The following NOTCH3 variants were observed in gnomAD, a reference collection of about 807,000 sequenced individuals.
NOTCH3 encodes notch receptor 3, also known as neurogenic locus notch homolog protein 3.
NOTCH3 carries 86 observed loss-of-function variants against 213.3 expected under a neutral mutation model. The observed-to-expected ratio is 0.40, with a 90% CI of 0.34 to 0.48. NOTCH3 has a LOEUF of 0.48. Among genes scored for constraint, NOTCH3 ranks in the 20% least tolerant of loss-of-function variants. The pLI is 0.57. For missense variants in NOTCH3, 2,783 were observed against 3,272.6 expected (o/e 0.85, Z 3.65); for synonymous variants, 1,354 against 1,355.9 (o/e 1.00, Z 0.03).
chr19:15,178,600 G>T, intron 23 of NOTCH3: 1 of 598,786 alleles, frequency 1.7e-6, no homozygotes. Flanking sequence ...GCCCAGGCTG[G>T]TCTCTAACTC....
chr19:15,177,944 C>T lies in NOTCH3; in HGVS notation c.3984G>A (p.Pro1328=). Reference sequence around the variant, plus strand: ...CGTTGCTGGCCCCCGGCGGCGACCCCGGGAAGCTGCGGCAGGAGGGTCCCG... The same window carrying T: ...CGTTGCTGGCCCCCGGCGGCGACCCTGGGAAGCTGCGGCAGGAGGGTCCCG... ...GLSGPSCRSF[P]GSPPGASNAS... The change falls in exon 24 of 33, where the codon CCG becomes CCA. Residue 1328 remains proline (P), a synonymous_variant. Transcript: ENST00000263388. 1 of 1,307,892 alleles carries T rather than the reference C, an allele frequency of 7.6e-7. No individual in the cohort carries two copies. The highest frequency in any genetic ancestry group is 9.7e-7 in the Non-Finnish European group (1 of 1,031,770). 81.0% of individuals were successfully genotyped at this position (1,307,892 alleles called of 1,614,324 possible).
Position 15,177,549 on chromosome 19 carries a change from G to C in NOTCH3, c.4379C>G (p.Ala1460Gly). The change falls in exon 24 of 33, where the codon GCC (alanine) becomes GGC (glycine). Residue 1460 changes from alanine (A) to glycine (G), a missense_variant. By Grantham distance (60) the Ala-to-Gly change is moderately conservative. This residue lies in a region of NOTCH3 where 636 missense variants were observed against 801.8 expected (regional missense o/e 0.79). Transcript: ENST00000263388. ...ACLYDNFDCH[A>G]GGRERTCNPV... ...CTTGCAAGTGCGCTCGCGGCCACCG[G>C]CGTGGCAGTCGAAGTTGTCGTAGAG... 2 of 1,610,476 alleles carry C rather than the reference G, an allele frequency of 1.2e-6. No homozygotes were observed. The highest frequency in any genetic ancestry group is 1.7e-5 in the Admixed American group (1 of 59,800).
chr19:15,178,044 T>TC lies in NOTCH3; in HGVS notation c.3883dup (p.Glu1295GlyfsTer268). 1 of 1,517,496 alleles carries TC rather than the reference T, an allele frequency of 6.6e-7. No individual in the cohort carries two copies. Among genetic ancestry groups the TC allele is most frequent in the South Asian group, 1.2e-5 (1 of 83,102 alleles). 94.0% of individuals were successfully genotyped at this position (1,517,496 alleles called of 1,614,324 possible). A position where few individuals can be genotyped will look rare whatever the true frequency, so the allele number is the denominator to read the frequency against. On this transcript the variant is annotated frameshift_variant, in exon 24 of 33. Transcript: ENST00000263388. LOFTEE classifies it high-confidence loss of function. Reference sequence around the variant, plus strand: ...TGGGACGCCCACCGGGCACTGCAGCTCCCGGCAGGAGCGCGCCACCCGCTC... The same window carrying TC: ...TGGGACGCCCACCGGGCACTGCAGCTCCCCGGCAGGAGCGCGCCACCCGCTC...
At position 15,167,430 on chromosome 19, in the gene NOTCH3, T is replaced by A. The variant is rs777512147; in HGVS notation, c.5200-19A>T. The A allele has an allele frequency of 5.6e-6, 9 of 1,600,410 alleles. No homozygotes were observed. Among genetic ancestry groups the A allele is most frequent in the Non-Finnish European group, 7.6e-6 (9 of 1,179,752 alleles). ...CCTCTACCTGGAGGGGCAGGCACCC[T>A]GGATCTCAGATCTCACCCTTTGGTG... is the stretch of plus-strand genomic sequence containing the variant. On this transcript the variant is annotated intron_variant, in intron 28 of 32. Transcript: ENST00000263388.
Position 15,181,460 on chromosome 19 carries a change from C to T in NOTCH3, c.2792+116G>A, listed in dbSNP as rs11669950. The T allele has an allele frequency of 0.66, 561,349 of 844,342 alleles. 192,663 individuals are homozygous for T. Among genetic ancestry groups the T allele is most frequent in the Non-Finnish European group, 0.72 (379,575 of 530,096 alleles). 52.3% of individuals were successfully genotyped at this position (844,342 alleles called of 1,614,324 possible). ...CCCTGCCCCATCAGTCATCAGAGTC[C>T]GCAGTGGGTACCAAGCTGAGGACTC... On this transcript the variant is annotated intron_variant, in intron 17 of 32. Transcript: ENST00000263388.
chr19:15,195,796 C>T (rs2046965234), intron 2 of NOTCH3, among the ~76,000 whole-genome samples: 1 of 151,520 alleles, frequency 6.6e-6, no homozygotes, highest in South Asian at 2.1e-4. Flanking sequence ...GCGCGGGCCC[C>T]CTCCCGACGC....
At chr19:15,170,304 G>A (rs1386097270) in intron 27 of NOTCH3, 27 bp downstream of exon 27, 2 of 1,601,606 alleles carry the variant, frequency 1.2e-6, no homozygotes, top group Non-Finnish European at 1.7e-6. Context: ...CCCGTAGTCA[G>A]GGACAGGGAG....
At chr19:15,197,128 C>A (rs149421665) in intron 2 of NOTCH3, among the ~76,000 whole-genome samples, 2 of 152,072 alleles carry the variant, frequency 1.3e-5, no homozygotes, top group African/African-American at 4.8e-5. Context: ...TGAGCCACTG[C>A]GATTGGTCCC....
At position 15,177,763 on chromosome 19, in the gene NOTCH3, GCGGGCACCGCGGCTCCTCCGAGACCT is replaced by G; in HGVS notation, c.4139_4164del (p.Glu1380AlafsTer174). On this transcript the variant is annotated frameshift_variant, in exon 24 of 33. Transcript: ENST00000263388. LOFTEE classifies it high-confidence loss of function. Reference sequence around the variant, plus strand: ...CCGCGCTTGGCCTGGCAGGCGGCGCGCGGGCACCGCGGCTCCTCCGAGACCTCGGGTGCCGCGGCGGGCGCCTCGCA... The same window carrying G: ...CCGCGCTTGGCCTGGCAGGCGGCGCGCGGGTGCCGCGGCGGGCGCCTCGCA... The G allele has an allele frequency of 7.3e-7, 1 of 1,373,228 alleles. No individual in the cohort carries two copies. The highest frequency in any genetic ancestry group is 9.3e-7 in the Non-Finnish European group (1 of 1,072,420). 85.1% of individuals were successfully genotyped at this position (1,373,228 alleles called of 1,614,324 possible). A position where few individuals can be genotyped will look rare whatever the true frequency, so the allele number is the denominator to read the frequency against.
intron 2 of NOTCH3, among the ~76,000 whole-genome samples, chr19:15,194,348 G>C (rs929517980): frequency 3.3e-5 from 5 of 152,182 alleles, no homozygotes; most frequent in African/African-American, 9.7e-5. Flanking sequence ...GCTGAGAAAC[G>C]TCTGGAGCCA....
At chr19:15,197,638 G>C (rs1214700324) in intron 1 of NOTCH3, 60 bp from the exon 2 acceptor site, 16 of 1,488,134 alleles carry the variant, frequency 1.1e-5, no homozygotes, top group African/African-American at 2.8e-5. Flanking sequence ...CCAGGCCCAA[G>C]TGACAAACCC....
intron 1 of NOTCH3, 87 bp from the exon 2 acceptor site, chr19:15,197,665 A>G: frequency 1.7e-6 from 2 of 1,163,760 alleles, no homozygotes; most frequent in Non-Finnish European, 2.5e-6. Context: ...TCCCTCCACC[A>G]GGCAACAGCT....
Position 15,178,892 on chromosome 19 carries a change from C to T in NOTCH3, c.3768G>A (p.Gln1256=). The T allele has an allele frequency of 6.2e-7, 1 of 1,612,578 alleles. No homozygotes were observed. The highest frequency in any genetic ancestry group is 8.5e-7 in the Non-Finnish European group (1 of 1,179,412). The stretch of plus-strand genomic sequence containing the variant: ...GGCTAGGACGGCACTGGCCTCCATG[C>T]TGGCATGGCTGGGACTCGCAGGGAG... ...VLSPCESQPC[Q]HGGQCRPSPG... Residue 1256 remains glutamine (Q), a synonymous_variant, in exon 23 of 33, where the codon CAG becomes CAA. Coordinates refer to ENST00000263388, the MANE Select transcript of NOTCH3 (RefSeq NM_000435.3).
rs71168593 is a variant in NOTCH3 at position 15,175,556 on chromosome 19, C to CATATATATATAT, written c.4404-1168_4404-1157dup. On this transcript the variant is annotated intron_variant, in intron 24 of 32. Transcript: ENST00000263388. ...TCTAAAAAAAAAAAAAAAAAAAATA[C>CATATATATATAT]ATATATATATATATATATGTATATA... Among the ~76,000 whole-genome samples the CATATATATATAT allele has an allele frequency of 3.4e-4, 31 of 90,212 alleles. No homozygotes were observed. In the East Asian group the frequency reaches 4.0e-3, roughly 12 times the overall value. 59.2% of individuals were successfully genotyped at this position (90,212 alleles called of 152,430 possible).
intron 6 of NOTCH3, among the ~76,000 whole-genome samples, chr19:15,190,006 G>A: frequency 6.6e-6 from 1 of 152,128 alleles, no homozygotes; most frequent in East Asian, 1.9e-4. Flanking sequence ...CGGGCACAGT[G>A]GCTCACGTCT....
chr19:15,170,105 G>C lies in NOTCH3; in HGVS notation c.5180C>G (p.Pro1727Arg), dbSNP rs989373826. 6 of 1,596,920 alleles carry C rather than the reference G, an allele frequency of 3.8e-6. No individual in the cohort carries two copies. Among genetic ancestry groups the C allele is most frequent in the Non-Finnish European group, 5.1e-6 (6 of 1,171,090 alleles). ...CAGTACCTTTAGCCGCTTGGCCTCT[G>C]GGCACTCTGTGTCCATCCAGTCTGT... ...VATDWMDTEC[P>R]EAKRLKVEEP... The change falls in exon 28 of 33, where the codon CCA (proline) becomes CGA (arginine). Residue 1727 changes from proline to arginine, a missense_variant. Pro to Arg is a moderately radical substitution (Grantham distance 103). Transcript: ENST00000263388.
In NOTCH3 at chr19:15,174,370, G is replaced by A. The variant is rs1232627463; in HGVS notation, c.4434C>T (p.His1478=). ...NPVYEKYCAD[H]FADGRCDQGC... ...CCTGGTCGCAGCGGCCGTCGGCAAAGTGGTCGGCGCAGTACTTCTCGTACA... is the reference window on the plus strand; with the variant it reads ...CCTGGTCGCAGCGGCCGTCGGCAAAATGGTCGGCGCAGTACTTCTCGTACA... The change falls in exon 25 of 33, where the codon CAC becomes CAT. Residue 1478 remains histidine, a synonymous_variant. Coordinates refer to ENST00000263388, the MANE Select transcript of NOTCH3 (RefSeq NM_000435.3). 2.6e-6 allele frequency: 4 copies of A among 1,544,150 alleles called. No individual in the cohort carries two copies. The highest frequency in any genetic ancestry group is 3.5e-6 in the Non-Finnish European group (4 of 1,142,578).
rs781765705 is a variant in NOTCH3, at chr19:15,180,143, C to T, written c.3256G>A (p.Asp1086Asn). Residue 1086 changes from aspartate (D) to asparagine (N), a missense_variant, in exon 20 of 33, where the codon GAC (aspartate) becomes AAC (asparagine). By Grantham distance (23) the Asp-to-Asn change is conservative. Coordinates refer to ENST00000263388, the MANE Select transcript of NOTCH3 (RefSeq NM_000435.3). ...TGGCAGGGCTGGGCCAAGCAGGGGT[C>T]CACCTCCTGCTCACAGTGGCTACCA... ...RTGSHCEQEVDPCLAQPCQHG... is the reference protein window; with the variant it reads ...RTGSHCEQEVNPCLAQPCQHG... 1.9e-6 allele frequency: 3 copies of T among 1,613,046 alleles called. No homozygotes were observed. Among genetic ancestry groups the T allele is most frequent in the Non-Finnish European group, 2.5e-6 (3 of 1,179,536 alleles).
At position 15,181,141 on chromosome 19, in the gene NOTCH3, G is replaced by C; in HGVS notation, c.2814C>G (p.Thr938=). The change falls in exon 18 of 33, where the codon ACC becomes ACG. Residue 938 remains threonine (T), a synonymous_variant. Coordinates refer to ENST00000263388, the MANE Select transcript of NOTCH3 (RefSeq NM_000435.3). The stretch of plus-strand genomic sequence containing the variant: ...TGAACGAGTTCACGCCGTCCACACA[G>C]GTCCCGCCATTGAAGCAGGAGCTGG... ...CSPSSCFNGG[T]CVDGVNSFSC... The C allele has an allele frequency of 1.2e-6, 2 of 1,608,120 alleles. No individual in the cohort carries two copies. Among genetic ancestry groups the C allele is most frequent in the Non-Finnish European group, 1.7e-6 (2 of 1,178,036 alleles).
Sources: allele counts gnomAD v4.1 joint callset (sites outside exome capture counted in the v4.1 genomes callset), GRCh38; gene constraint gnomAD v4.1.1; regional missense constraint gnomAD v4.1.1; transcripts MANE v1.5; gene names NCBI Gene and HGNC (gene_info 2026-07-23, HGNC 2026-07-21).